The following RALYL variants were observed in gnomAD, a reference collection of about 807,000 sequenced individuals.
RALYL encodes the protein RALY RNA binding protein like.
In RALYL, 29 loss-of-function variants were observed where a neutral mutation model predicts 35.1. That is an observed-to-expected ratio of 0.83 (90% CI 0.61 to 1.13). The LOEUF (loss-of-function observed/expected upper bound fraction) is 1.13. Among genes scored for constraint, RALYL ranks in the 50% most tolerant of loss-of-function variants. The probability of loss-of-function intolerance (pLI) is 0.00; values close to 1 mark genes in which losing one functional copy is unlikely to be tolerated. For missense variants in RALYL, 359 were observed against 360.4 expected, an observed-to-expected ratio of 1.00 and a Z score of 0.03; for synonymous variants, 120 against 127.6, an observed-to-expected ratio of 0.94 and a Z score of 0.40.
intron 1 of RALYL, among the ~76,000 whole-genome samples, chr8:84,241,746 C>A (rs1387495768): frequency 6.8e-6 from 1 of 146,932 alleles, no homozygotes; most frequent in Non-Finnish European, 1.5e-5. Flanking sequence ...CCACTGCACT[C>A]CAGCCTGGAC....
chr8:84,864,818 G>A (rs1372580147), intron 6 of RALYL: 3 of 607,870 alleles, frequency 4.9e-6, no homozygotes, highest in Non-Finnish European at 9.3e-6. Context: ...CTGTGTAGTA[G>A]TCAATGTCAT....
At chr8:84,788,933 A>C (rs1820175725) in intron 3 of RALYL, among the ~76,000 whole-genome samples, 1 of 152,236 alleles carries the variant, frequency 6.6e-6, no homozygotes, top group Non-Finnish European at 1.5e-5. Flanking sequence ...TTATGACTGC[A>C]GATTAGTGAG....
rs559444295 is a variant in RALYL, at chr8:84,809,815, G to A, written c.365+5013G>A. 7.2e-5 allele frequency among the ~76,000 whole-genome samples: 11 copies of A among 152,004 alleles called. No homozygotes were observed. In the East Asian group the frequency reaches 1.4e-3, roughly 19 times the overall value. ...AAATGATCTTTCGTATTTCAGTGGT[G>A]TCAGTTATAATACCTCCTGTTTCGT... On this transcript the variant is annotated intron_variant, in intron 4 of 8. Transcript: ENST00000521268.
At chr8:84,471,972 C>T (rs1222934437) in intron 1 of RALYL, among the ~76,000 whole-genome samples, 3 of 152,110 alleles carry the variant, frequency 2.0e-5, no homozygotes, top group African/African-American at 7.2e-5. Flanking sequence ...AAATTAGAGG[C>T]TCAGTGTTTG....
At chr8:84,642,357 GT>G (rs911505374) in intron 2 of RALYL, among the ~76,000 whole-genome samples, 5 of 150,756 alleles carry the variant, frequency 3.3e-5, no homozygotes, top group Admixed American at 6.6e-5. Flanking sequence ...AATTTGTGGG[GT>G]TTTTTTAAAC....
At chr8:84,483,934 G>A (rs1366768844) in intron 1 of RALYL, among the ~76,000 whole-genome samples, 1 of 152,010 alleles carries the variant, frequency 6.6e-6, no homozygotes, top group Non-Finnish European at 1.5e-5. Context: ...GTAGACATTA[G>A]TGAATTACAT....
intron 1 of RALYL, among the ~76,000 whole-genome samples, chr8:84,318,728 A>G (rs1345533331): frequency 6.6e-6 from 1 of 152,200 alleles, no homozygotes; most frequent in Non-Finnish European, 1.5e-5. Context: ...GAATGGCAGT[A>G]TAGGAGTGAT....
chr8:84,856,437 A>G (rs991069822), intron 5 of RALYL, among the ~76,000 whole-genome samples: 1 of 152,252 alleles, frequency 6.6e-6, no homozygotes, highest in African/African-American at 2.4e-5. Flanking sequence ...GAATCAAAAT[A>G]TTGCAAAAAA....
At chr8:84,691,847 A>G (rs765380277) in intron 2 of RALYL, among the ~76,000 whole-genome samples, 2 of 152,200 alleles carry the variant, frequency 1.3e-5, no homozygotes, top group South Asian at 4.1e-4. Flanking sequence ...ATCCTAAACA[A>G]GAGCAAAATA....
intron 1 of RALYL, among the ~76,000 whole-genome samples, chr8:84,462,431 ACT>A (rs754283182): frequency 6.9e-6 from 1 of 144,630 alleles, no homozygotes; most frequent in Non-Finnish European, 1.5e-5. Context: ...AGCAGTTTTT[ACT>A]CTCTTTGTAA....
At chr8:84,560,509 C>T (rs772990762) in intron 2 of RALYL, among the ~76,000 whole-genome samples, 1 of 151,870 alleles carries the variant, frequency 6.6e-6, no homozygotes, top group Non-Finnish European at 1.5e-5. Flanking sequence ...CCATTCATTG[C>T]TATTTCAGTG....
chr8:84,689,276 T>C (rs1181407564), intron 2 of RALYL, among the ~76,000 whole-genome samples: 2 of 152,114 alleles, frequency 1.3e-5, no homozygotes, highest in African/African-American at 2.4e-5. Flanking sequence ...CCCCTTCCTG[T>C]GTCCATGTGT....
At position 84,443,568 on chromosome 8, in the gene RALYL, A is replaced by T. The variant is rs149342247; in HGVS notation, c.-23-85731A>T. On this transcript the variant is annotated intron_variant, in intron 1 of 8. Coordinates refer to ENST00000521268, the MANE Select transcript of RALYL (RefSeq NM_173848.7). The stretch of plus-strand genomic sequence containing the variant: ...ATGCATGTCTACTCAGTCTGTACAT[A>T]TGAAACATTTAGTCCCTTGCTTGGT... Among the ~76,000 whole-genome samples, 401 of 152,244 alleles carry T rather than the reference A, an allele frequency of 2.6e-3. 2 individuals carry two copies. The highest frequency in any genetic ancestry group is 3.7e-3 in the Non-Finnish European group (251 of 67,990).
At chr8:84,225,181 G>A (rs1396515634) in intron 1 of RALYL, among the ~76,000 whole-genome samples, 2 of 152,232 alleles carry the variant, frequency 1.3e-5, no homozygotes, top group African/African-American at 2.4e-5. Flanking sequence ...TAAGATTCTG[G>A]TATAAAATGT....
intron 2 of RALYL, among the ~76,000 whole-genome samples, chr8:84,533,835 A>G (rs1003778565): frequency 6.6e-6 from 1 of 152,210 alleles, no homozygotes; most frequent in African/African-American, 2.4e-5. Flanking sequence ...AAGTAATGGA[A>G]TTGTCTTAGT....
intron 1 of RALYL, among the ~76,000 whole-genome samples, chr8:84,367,318 ATTTTTTTTTTTTTTTTTTT>A (rs56387511): frequency 3.6e-4 from 10 of 27,404 alleles, no homozygotes; most frequent in African/African-American, 6.4e-4. Flanking sequence ...TAATTTTTGT[ATTTTTTTTTTTTTTTTTTT>A]TTTTTTTTTT....
rs143539437 is a variant in RALYL at position 84,304,892 on chromosome 8, C to T, written c.-24+120468C>T. Among the ~76,000 whole-genome samples, 353 of 152,206 alleles carry T rather than the reference C, an allele frequency of 2.3e-3. 5 individuals carry two copies. The highest frequency in any genetic ancestry group is 0.016 in the Admixed American group (251 of 15,290). On this transcript the variant is annotated intron_variant, in intron 1 of 8. Coordinates refer to ENST00000521268, the MANE Select transcript of RALYL (RefSeq NM_173848.7). Reference sequence around the variant, plus strand: ...GGAGAATTCTAGATGCTGCACTTAACGGTAAATTTGCTAAATAGTTCTGAT... The same window carrying T: ...GGAGAATTCTAGATGCTGCACTTAATGGTAAATTTGCTAAATAGTTCTGAT...
intron 1 of RALYL, among the ~76,000 whole-genome samples, chr8:84,454,456 G>A (rs1292180125): frequency 6.6e-6 from 1 of 152,010 alleles, no homozygotes; most frequent in Admixed American, 6.6e-5. Flanking sequence ...GAGTTTAAGT[G>A]GAGGAAGGGA....
intron 2 of RALYL, among the ~76,000 whole-genome samples, chr8:84,554,559 G>T (rs1588147370): frequency 6.6e-6 from 1 of 152,176 alleles, no homozygotes; most frequent in African/African-American, 2.4e-5. Flanking sequence ...TCAAAGAGAT[G>T]GAGACACATA....
Sources: allele counts gnomAD v4.1 joint callset (sites outside exome capture counted in the v4.1 genomes callset), GRCh38; gene constraint gnomAD v4.1.1; transcripts MANE v1.5; gene names NCBI Gene and HGNC (gene_info 2026-07-23, HGNC 2026-07-21).